The following RASA2 variants were observed in gnomAD, a reference collection of about 807,000 sequenced individuals.
The protein encoded by RASA2 is RAS p21 protein activator 2.
In RASA2, 155 loss-of-function variants were observed where a neutral mutation model predicts 118.2. The observed-to-expected ratio is 1.31, with a 90% CI of 1.15 to 1.50. The LOEUF (loss-of-function observed/expected upper bound fraction) is 1.50. Among genes scored for constraint, RASA2 ranks in the 40% most tolerant of loss-of-function variants. The pLI is 0.00. For missense variants in RASA2, 1,016 were observed against 1,009.6 expected (o/e 1.01, Z -0.09); for synonymous variants, 353 against 349.1 (o/e 1.01, Z -0.12).
chr3:141,545,865 G>A (rs1031475924), intron 5 of RASA2, among the ~76,000 whole-genome samples: 1 of 151,324 alleles, frequency 6.6e-6, no homozygotes, highest in African/African-American at 2.4e-5. Context: ...CTCACTTCCC[G>A]TCCCAGCCCC....
chr3:141,597,256 A>C (rs896288798), intron 19 of RASA2, among the ~76,000 whole-genome samples: 1 of 152,018 alleles, frequency 6.6e-6, no homozygotes, highest in Non-Finnish European at 1.5e-5. Flanking sequence ...ATAATAAAGA[A>C]TACTACTAGC....
intron 9 of RASA2, among the ~76,000 whole-genome samples, chr3:141,562,154 A>G (rs114466221): frequency 0.13 from 19,508 of 151,058 alleles, 1,796 homozygotes; most frequent in East Asian, 0.24. Context: ...GGTTTTAACT[A>G]TGTTGGCCAG....
chr3:141,573,177 G>A lies in RASA2; in HGVS notation c.1315G>A (p.Asp439Asn). The A allele has an allele frequency of 1.3e-6, 2 of 1,539,058 alleles. No homozygotes were observed. The highest frequency in any genetic ancestry group is 1.7e-6 in the Non-Finnish European group (2 of 1,152,940). ...ICDSSKSCEIDPIKLKEGDNV... is the reference protein window; with the variant it reads ...ICDSSKSCEINPIKLKEGDNV... ...TGACTCCTCAAAATCCTGTGAAATC[G>A]ATCCTATTAAATTGAAAGAGGGAGA... Residue 439 changes from aspartate to asparagine, a missense_variant, in exon 13 of 24, where the codon GAT becomes AAT. This residue lies in a region of RASA2 where 896 missense variants were observed against 836.4 expected (regional missense o/e 1.07). Coordinates refer to ENST00000286364, the MANE Select transcript of RASA2 (RefSeq NM_006506.5).
At chr3:141,575,778 G>A (rs983789891) in intron 14 of RASA2, among the ~76,000 whole-genome samples, 1 of 152,060 alleles carries the variant, frequency 6.6e-6, no homozygotes, top group Non-Finnish European at 1.5e-5. Context: ...CACTTTATGG[G>A]GTTTTTTTGG....
intron 2 of RASA2, among the ~76,000 whole-genome samples, chr3:141,515,784 C>G (rs987241562): frequency 6.6e-6 from 1 of 151,016 alleles, no homozygotes; most frequent in Non-Finnish European, 1.5e-5. Context: ...CCTGTAGTCC[C>G]AGCTACTCGG....
At chr3:141,523,758 C>G (rs1046117388) in intron 3 of RASA2, among the ~76,000 whole-genome samples, 1 of 152,164 alleles carries the variant, frequency 6.6e-6, no homozygotes, top group African/African-American at 2.4e-5. Context: ...CTCACTCCAC[C>G]TTGGTTCAGA....
intron 5 of RASA2, among the ~76,000 whole-genome samples, chr3:141,552,506 T>C (rs1197312390): frequency 1.3e-5 from 2 of 152,208 alleles, no homozygotes; most frequent in African/African-American, 4.8e-5. Context: ...CAAAGGCAGT[T>C]GTGAGAATTA....
chr3:141,596,486 T>G (rs1418551647), intron 19 of RASA2, among the ~76,000 whole-genome samples: 2 of 152,166 alleles, frequency 1.3e-5, no homozygotes, highest in African/African-American at 4.8e-5. Context: ...TTTGATAAAT[T>G]GGATCTCATC....
chr3:141,499,067 A>C (rs1220060420), intron 1 of RASA2, among the ~76,000 whole-genome samples: 1 of 152,192 alleles, frequency 6.6e-6, no homozygotes, highest in African/African-American at 2.4e-5. Flanking sequence ...ACCTTGTGAA[A>C]CTTGCCTTTT....
At position 141,612,419 on chromosome 3, in the gene RASA2, A is replaced by G; in HGVS notation, c.*106A>G. On this transcript the variant is annotated 3_prime_UTR_variant, in exon 24 of 24. Transcript: ENST00000286364. Reference sequence around the variant, plus strand: ...GTATTTAAGAATGAGCATCCGCTTCAATGTCATCTGCCTCCACATTGTATT... The same window carrying G: ...GTATTTAAGAATGAGCATCCGCTTCGATGTCATCTGCCTCCACATTGTATT... The G allele has an allele frequency of 1.2e-6, 1 of 838,862 alleles. No homozygotes were observed. The allele number at this position is 838,862 out of a possible 1,614,324, so 52.0% of individuals were successfully genotyped here.
intron 9 of RASA2, among the ~76,000 whole-genome samples, chr3:141,570,455 A>G (rs2082900279): frequency 6.6e-6 from 1 of 152,104 alleles, no homozygotes; most frequent in South Asian, 2.1e-4. Flanking sequence ...CCTGACCTCA[A>G]GTGATCTGCC....
intron 19 of RASA2, among the ~76,000 whole-genome samples, chr3:141,599,161 G>A (rs981146005): frequency 6.6e-5 from 10 of 151,182 alleles, no homozygotes; most frequent in Non-Finnish European, 1.2e-4. Flanking sequence ...AAAACACTCC[G>A]GAGATAAGGT....
chr3:141,559,498 T>A (rs2082698704), intron 8 of RASA2, among the ~76,000 whole-genome samples: 1 of 152,106 alleles, frequency 6.6e-6, no homozygotes, highest in Non-Finnish European at 1.5e-5. Context: ...GGTATATTAA[T>A]CATGTGTTTG....
intron 1 of RASA2, among the ~76,000 whole-genome samples, chr3:141,488,186 T>G (rs888452193): frequency 1.4e-4 from 21 of 152,186 alleles, no homozygotes; most frequent in South Asian, 1.0e-3. Context: ...TCACAGTGGT[T>G]TATTTAGATG....
intron 11 of RASA2, 23 bp from the exon 12 acceptor site, chr3:141,572,586 G>A (rs1324064362): frequency 6.6e-7 from 1 of 1,514,666 alleles, no homozygotes. Flanking sequence ...TACTACATTT[G>A]GTTTCATCTA....
chr3:141,487,135 G>C lies in RASA2; in HGVS notation c.52G>C (p.Ala18Pro). 6.9e-7 allele frequency: 1 copy of C among 1,449,290 alleles called. No individual in the cohort carries two copies. The highest frequency in any genetic ancestry group is 9.2e-7 in the Non-Finnish European group (1 of 1,092,106). The allele number at this position is 1,449,290 out of a possible 1,614,324, so 89.8% of individuals were successfully genotyped here. A position where few individuals can be genotyped will look rare whatever the true frequency, so the allele number is the denominator to read the frequency against. The stretch of plus-strand genomic sequence containing the variant: ...GGCGGCTTCTTCCGAGGCGCCAGCG[G>C]CGAGTGCGACTGCAGAGCCCGAGGC... Reference protein sequence around the residue: ...AAAASSEAPAASATAEPEAGD... With the variant: ...AAAASSEAPAPSATAEPEAGD... The change falls in exon 1 of 24, where the codon GCG becomes CCG. Residue 18 changes from alanine (A) to proline (P), a missense_variant. Ala to Pro is a conservative substitution (Grantham distance 27). This residue lies in a region of RASA2 where 896 missense variants were observed against 836.4 expected (regional missense o/e 1.07). Transcript: ENST00000286364.
chr3:141,577,917 T>G (rs2083039382), intron 15 of RASA2, among the ~76,000 whole-genome samples: 1 of 152,222 alleles, frequency 6.6e-6, no homozygotes, highest in Non-Finnish European at 1.5e-5. Context: ...TTTTTAAAAT[T>G]CTTTATTTTT....
At chr3:141,558,987 AT>A (rs2082689610) in intron 8 of RASA2, 25 bp downstream of exon 8, 29 of 1,550,230 alleles carry the variant, frequency 1.9e-5, no homozygotes, top group Non-Finnish European at 2.6e-5. Flanking sequence ...GTTTTACAGA[AT>A]TGCTTTTTTG....
At chr3:141,604,245 T>C (rs547337975) in intron 19 of RASA2, among the ~76,000 whole-genome samples, 1 of 152,362 alleles carries the variant, frequency 6.6e-6, no homozygotes, top group Admixed American at 6.5e-5. Flanking sequence ...TTTTGTGTTT[T>C]CTATTTACTA....
Sources: gnomAD v4.1 joint callset for allele counts (sites outside exome capture counted in the v4.1 genomes callset) on GRCh38, gnomAD v4.1.1 for gene constraint, gnomAD v4.1.1 regional missense constraint, MANE v1.5 for transcripts, NCBI Gene and HGNC (gene_info 2026-07-23, HGNC 2026-07-21) for gene names.